The following PMS2 variants were observed in gnomAD, a reference collection of about 807,000 sequenced individuals.
PMS2 encodes mismatch repair endonuclease PMS2.
PMS2 carries 69 observed loss-of-function variants against 90.0 expected under a neutral mutation model. The ratio of observed to expected loss-of-function variants is 0.77; its 90% confidence interval spans 0.63 to 0.94. PMS2 has a LOEUF of 0.94. Among genes scored for constraint, PMS2 ranks in the 40% least tolerant of loss-of-function variants. PMS2 has a pLI of 0.00. For missense variants in PMS2, 966 were observed against 1,040.2 expected (o/e 0.93, Z 0.98); for synonymous variants, 332 against 375.1 (o/e 0.89, Z 1.33).
Position 6,001,374 on chromosome 7 carries a change from T to TC in PMS2, c.537+1078_537+1079insG, listed in dbSNP as rs1486485583. Reference sequence around the variant, plus strand: ...TCTCAGAAAACCAAGAGAAATATTCTTTTTTTTTTTTTTTTGAGATGGGGT... The same window carrying TC: ...TCTCAGAAAACCAAGAGAAATATTCTCTTTTTTTTTTTTTTTGAGATGGGGT... On this transcript the variant is annotated intron_variant, in intron 5 of 14. Coordinates refer to ENST00000265849, the MANE Select transcript of PMS2 (RefSeq NM_000535.7). Among the ~76,000 whole-genome samples, 3 of 4,624 alleles carry TC rather than the reference T, an allele frequency of 6.5e-4. No individual in the cohort carries two copies. In the East Asian group the frequency reaches 0.045, roughly 70 times the overall value. 3.0% of individuals were successfully genotyped at this position (4,624 alleles called of 152,430 possible).
intron 9 of PMS2, among the ~76,000 whole-genome samples, chr7:5,991,025 T>C (rs1214899117): frequency 6.6e-6 from 1 of 152,028 alleles, no homozygotes; most frequent in Admixed American, 6.6e-5. Flanking sequence ...AAAAAATATC[T>C]AATAATAAAG....
At chr7:5,989,389 C>T (rs551514472) in intron 10 of PMS2, among the ~76,000 whole-genome samples, 1 of 152,226 alleles carries the variant, frequency 6.6e-6, no homozygotes, top group Non-Finnish European at 1.5e-5. Context: ...GCTGAGATCG[C>T]ATCATTGCAC....
chr7:6,005,991 A>T lies in PMS2; in HGVS notation c.64T>A (p.Ser22Thr), dbSNP rs1403470297. ...TGCCCAGAGCAAATCTGATGGACTG[A>T]CTTCCGATCAATAGGTTTGATGGCC... ...AKAIKPIDRK[S>T]VHQICSGQVV... is the part of the protein sequence containing the mutation. The change falls in exon 2 of 15, where the codon TCA becomes ACA. Residue 22 changes from serine (S) to threonine (T), a missense_variant. Physicochemically the swap from Ser to Thr is moderately conservative, Grantham distance 58. Coordinates refer to ENST00000265849, the MANE Select transcript of PMS2 (RefSeq NM_000535.7). 2 of 1,610,762 alleles carry T rather than the reference A, an allele frequency of 1.2e-6. No homozygotes were observed. The highest frequency in any genetic ancestry group is 2.2e-5 in the South Asian group (2 of 90,990).
intron 6 of PMS2, among the ~76,000 whole-genome samples, chr7:5,998,030 T>C (rs1465854977): frequency 1.3e-5 from 2 of 151,734 alleles, no homozygotes; most frequent in Admixed American, 6.6e-5. Flanking sequence ...AAGAATAAAA[T>C]GAAACACATT....
At chr7:5,993,396 A>T (rs1341746859) in intron 8 of PMS2, among the ~76,000 whole-genome samples, 1 of 108,072 alleles carries the variant, frequency 9.3e-6, no homozygotes, top group Non-Finnish European at 1.8e-5. Flanking sequence ...AAAAAGAAAG[A>T]AAGAAAAAAA....
At chr7:6,006,731 T>C (rs1282006670) in intron 1 of PMS2, among the ~76,000 whole-genome samples, 1 of 152,032 alleles carries the variant, frequency 6.6e-6, no homozygotes, top group Non-Finnish European at 1.5e-5. Context: ...CAAAATCATC[T>C]CAGAAATTGG....
At chr7:5,998,084 T>G (rs75745061) in intron 6 of PMS2, among the ~76,000 whole-genome samples, 51,949 of 150,118 alleles carry the variant, frequency 0.35, 9,726 homozygotes, top group Non-Finnish European at 0.42. Context: ...TTTGTTTTTT[T>G]TTTTTTTTTT....
At chr7:5,993,348 G>A (rs1783973206) in intron 8 of PMS2, among the ~76,000 whole-genome samples, 1 of 134,484 alleles carries the variant, frequency 7.4e-6, no homozygotes, top group Admixed American at 8.6e-5. Context: ...TCTAGCCTGG[G>A]CGACAGAGCT....
intron 5 of PMS2, among the ~76,000 whole-genome samples, chr7:6,000,506 C>A (rs1356549304): frequency 2.6e-5 from 4 of 151,410 alleles, no homozygotes; most frequent in Admixed American, 6.6e-5. Context: ...ATTATTCCAA[C>A]AGTTATAAAC....
At chr7:5,990,251 A>C (rs1583337310) in intron 9 of PMS2, among the ~76,000 whole-genome samples, 1 of 152,038 alleles carries the variant, frequency 6.6e-6, no homozygotes, top group Non-Finnish European at 1.5e-5. Context: ...CAAGTGATCC[A>C]CCCGCCTTGG....
chr7:5,997,466 G>A (rs1583376151), intron 6 of PMS2, 43 bp from the exon 7 acceptor site: 3 of 1,054,882 alleles, frequency 2.8e-6, no homozygotes, highest in Admixed American at 1.9e-5. Flanking sequence ...TCCTAATAAA[G>A]ACAGAGTGGA....
intron 1 of PMS2, among the ~76,000 whole-genome samples, chr7:6,008,731 GT>G (rs59870895): frequency 0.099 from 15,004 of 152,170 alleles, 777 homozygotes; most frequent in Admixed American, 0.12. Context: ...GGCAAGGCCT[GT>G]CTGGGACAGG....
At chr7:5,983,226 C>G (rs1782500258) in intron 11 of PMS2, among the ~76,000 whole-genome samples, 1 of 151,514 alleles carries the variant, frequency 6.6e-6, no homozygotes, top group African/African-American at 2.4e-5. Context: ...GATTCTTCTG[C>G]CTCAGCCTCC....
At chr7:5,989,657 T>A (rs1016843729) in intron 10 of PMS2, 143 bp downstream of exon 10, 5 of 610,542 alleles carry the variant, frequency 8.2e-6, no homozygotes, top group Non-Finnish European at 1.4e-5. Context: ...ACAGAGCAAG[T>A]CCCTGTCTCA....
chr7:5,984,863 C>T (rs1782691604), intron 11 of PMS2, among the ~76,000 whole-genome samples: 1 of 151,790 alleles, frequency 6.6e-6, no homozygotes, highest in Admixed American at 6.6e-5. Flanking sequence ...TGCCACCATG[C>T]TCGTCACCAT....
chr7:6,004,889 G>GT (rs945563977), intron 2 of PMS2, among the ~76,000 whole-genome samples: 11 of 151,784 alleles, frequency 7.2e-5, no homozygotes, highest in South Asian at 2.1e-4. Context: ...TAATTCTTTG[G>GT]TTTTTTTTAT....
intron 10 of PMS2, 138 bp downstream of exon 10, chr7:5,989,662 G>A (rs1270412757): frequency 9.4e-6 from 6 of 638,272 alleles, no homozygotes; most frequent in African/African-American, 7.4e-5. Flanking sequence ...GCAAGTCCCT[G>A]TCTCAAAAAA....
Position 6,006,152 on chromosome 7 carries a change from T to C in PMS2, c.24-121A>G, listed in dbSNP as rs543013213. 1.5e-5 allele frequency: 17 copies of C among 1,115,024 alleles called. No homozygotes were observed. The East Asian group carries it at 4.1e-4, about 27-fold the overall frequency. The allele number at this position is 1,115,024 out of a possible 1,614,324, so 69.1% of individuals were successfully genotyped here. A position where few individuals can be genotyped will look rare whatever the true frequency, so the allele number is the denominator to read the frequency against. ...TTATGGGTCTAATCTATTCATTTAT[T>C]ATATTAGCAAATACATTTATTATAT... On this transcript the variant is annotated intron_variant, in intron 1 of 14. Transcript: ENST00000265849.
chr7:5,986,724 A>C, intron 11 of PMS2, 35 bp downstream of exon 11: 2 of 1,461,212 alleles, frequency 1.4e-6, no homozygotes, highest in Non-Finnish European at 9.3e-7. Flanking sequence ...AAAATTTTAG[A>C]TAAAAAGAGA....
Sources: gnomAD v4.1 joint callset for allele counts (sites outside exome capture counted in the v4.1 genomes callset) on GRCh38, gnomAD v4.1.1 for gene constraint, MANE v1.5 for transcripts, NCBI Gene and HGNC (gene_info 2026-07-23, HGNC 2026-07-21) for gene names.